Variants in ZNF609 observed in about 807,000 individuals in gnomAD.
ZNF609 encodes zinc finger protein 609.
ZNF609 carries 11 observed loss-of-function variants against 109.5 expected under a neutral mutation model. The observed-to-expected ratio is 0.10, with a 90% CI of 0.06 to 0.17. ZNF609 has a LOEUF of 0.17. ZNF609 is among the 10% of genes least tolerant of loss of function. The pLI, the probability that ZNF609 is intolerant of heterozygous loss-of-function variation, is 1.00. For missense variants in ZNF609, 1,559 were observed against 1,772.4 expected (o/e 0.88, Z 2.16); for synonymous variants, 646 against 662.0 (o/e 0.98, Z 0.37).
chr15:64,605,265 G>A (rs1048004380), intron 2 of ZNF609, among the ~76,000 whole-genome samples: 8 of 152,168 alleles, frequency 5.3e-5, no homozygotes, highest in Admixed American at 1.3e-4. Context: ...TATATAACCT[G>A]TTTCATGTAG....
At chr15:64,677,520 A>G (rs942159841) in intron 5 of ZNF609, among the ~76,000 whole-genome samples, 3 of 152,148 alleles carry the variant, frequency 2.0e-5, no homozygotes, top group Admixed American at 2.0e-4. Flanking sequence ...TTTGGTTCCT[A>G]TGAAATGAGT....
At chr15:64,487,806 T>G (rs902574117) in intron 1 of ZNF609, among the ~76,000 whole-genome samples, 1 of 152,082 alleles carries the variant, frequency 6.6e-6, no homozygotes, top group African/African-American at 2.4e-5. Context: ...CTAAATTTTT[T>G]TGTATTTTTA....
intron 2 of ZNF609, among the ~76,000 whole-genome samples, chr15:64,518,413 G>A (rs1159548220): frequency 1.3e-5 from 2 of 152,216 alleles, no homozygotes; most frequent in Non-Finnish European, 2.9e-5. Context: ...TATGACTGGA[G>A]GAGGAGGAAT....
chr15:64,577,631 A>T (rs1241465110), intron 2 of ZNF609, among the ~76,000 whole-genome samples: 2 of 34,828 alleles, frequency 5.7e-5, no homozygotes, highest in African/African-American at 1.9e-4. Context: ...ATATATACAC[A>T]TATAAATATA....
At chr15:64,638,364 GA>G (rs1308935873) in intron 3 of ZNF609, among the ~76,000 whole-genome samples, 1 of 151,572 alleles carries the variant, frequency 6.6e-6, no homozygotes, top group African/African-American at 2.4e-5. Context: ...ACTTCTTCAA[GA>G]TTGCCTTGGC....
intron 2 of ZNF609, among the ~76,000 whole-genome samples, chr15:64,618,923 A>G (rs1015546955): frequency 5.9e-5 from 9 of 152,126 alleles, no homozygotes; most frequent in Non-Finnish European, 8.8e-5. Context: ...GGGAAATCCA[A>G]CATTTGGGCG....
Position 64,678,482 on chromosome 15 carries a change from G to A in ZNF609, c.3769G>A (p.Gly1257Ser). 1 of 1,566,936 alleles carries A rather than the reference G, an allele frequency of 6.4e-7. No individual in the cohort carries two copies. The change falls in exon 6 of 10, where the codon GGT becomes AGT. Residue 1257 changes from glycine (G) to serine (S), a missense_variant and splice_region_variant. Gly to Ser is a moderately conservative substitution (Grantham distance 56, BLOSUM62 0). Coordinates refer to ENST00000326648, the MANE Select transcript of ZNF609 (RefSeq NM_015042.2). The part of the protein sequence containing the change: ...MPAVMMQNYP[G>S]SYLPSSYSFS... ...TGCTGTGATGATGCAGAACTACCCA[G>A]GTACAGCACCAAGTGCCAGCACTAT...
intron 2 of ZNF609, chr15:64,529,026 A>C: frequency 6.7e-7 from 1 of 1,490,902 alleles, no homozygotes; most frequent in East Asian, 2.3e-5. Flanking sequence ...CCTTACCCAC[A>C]GGCTTGGCAG....
intron 3 of ZNF609, 21 bp from the exon 4 acceptor site, chr15:64,670,321 ATATC>A (rs1198824413): frequency 1.3e-6 from 2 of 1,595,634 alleles, no homozygotes; most frequent in Non-Finnish European, 1.7e-6. Flanking sequence ...TGTCTTGTCT[ATATC>A]TATGTGCTCT....
chr15:64,630,700 T>C (rs553558809), intron 3 of ZNF609, among the ~76,000 whole-genome samples: 2 of 151,998 alleles, frequency 1.3e-5, no homozygotes, highest in Admixed American at 6.6e-5. Context: ...ACTCCTGGCC[T>C]CAAATGATCT....
At chr15:64,630,098 C>CTTT (rs773124227) in intron 3 of ZNF609, among the ~76,000 whole-genome samples, 11 of 136,896 alleles carry the variant, frequency 8.0e-5, no homozygotes, top group Non-Finnish European at 1.3e-4. Flanking sequence ...TTTCTTTTTT[C>CTTT]TTTTTTTTTT....
chr15:64,609,064 T>TTTTCTTTCTTTCTTTCTTTCTTTCTTTC (rs3057833), intron 2 of ZNF609, among the ~76,000 whole-genome samples: 1 of 119,032 alleles, frequency 8.4e-6, no homozygotes, highest in African/African-American at 3.3e-5. Flanking sequence ...TAGTTTTAAT[T>TTTTCTTTCTTTCTTTCTTTCTTTCTTTC]TTTCTTTCTT....
At chr15:64,566,952 G>T (rs768961739) in intron 2 of ZNF609, among the ~76,000 whole-genome samples, 2 of 152,166 alleles carry the variant, frequency 1.3e-5, no homozygotes, top group Non-Finnish European at 2.9e-5. Context: ...CTGCTGACAG[G>T]ACAGAAACCT....
At chr15:64,605,367 G>T (rs1279793593) in intron 2 of ZNF609, among the ~76,000 whole-genome samples, 1 of 152,090 alleles carries the variant, frequency 6.6e-6, no homozygotes, top group East Asian at 1.9e-4. Flanking sequence ...AAGAAGGGAG[G>T]GAAAGCATGA....
At chr15:64,554,818 C>T (rs776156788) in intron 2 of ZNF609, among the ~76,000 whole-genome samples, 1 of 151,936 alleles carries the variant, frequency 6.6e-6, no homozygotes, top group Non-Finnish European at 1.5e-5. Context: ...ATTTTCCGGC[C>T]AGGTGTGGTG....
At chr15:64,608,089 G>C (rs1895643192) in intron 2 of ZNF609, among the ~76,000 whole-genome samples, 2 of 151,102 alleles carry the variant, frequency 1.3e-5, no homozygotes, top group African/African-American at 2.4e-5. Context: ...AGAAGAGATG[G>C]GTTCACCATG....
At chr15:64,565,079 G>T (rs1315328837) in intron 2 of ZNF609, among the ~76,000 whole-genome samples, 1 of 140,578 alleles carries the variant, frequency 7.1e-6, no homozygotes, top group Non-Finnish European at 1.5e-5. Context: ...TTGAGACGGA[G>T]TCTTGATTCT....
At chr15:64,499,116 A>C (rs1247444174) in intron 1 of ZNF609, among the ~76,000 whole-genome samples, 177 bp from the exon 2 acceptor site, 1 of 152,258 alleles carries the variant, frequency 6.6e-6, no homozygotes, top group East Asian at 1.9e-4. Context: ...TGGAGTGGGA[A>C]TTGATTTTTC....
At chr15:64,655,789 G>A (rs879768699) in intron 3 of ZNF609, among the ~76,000 whole-genome samples, 9 of 151,920 alleles carry the variant, frequency 5.9e-5, no homozygotes, top group South Asian at 2.1e-4. Flanking sequence ...AGATCACGCC[G>A]TTGCACTCCA....
Sources: allele counts gnomAD v4.1 joint callset (sites outside exome capture counted in the v4.1 genomes callset), GRCh38; gene constraint gnomAD v4.1.1; transcripts MANE v1.5; gene names NCBI Gene and HGNC (gene_info 2026-07-23, HGNC 2026-07-21).